LRRIQ3: variants seen among roughly 807,000 people sequenced by gnomAD.
LRRIQ3 encodes the protein leucine rich repeats and IQ motif containing 3, also known as leucine-rich repeat and IQ domain-containing protein 3.
Under a neutral mutation model 59.3 loss-of-function variants are expected in LRRIQ3, and 75 were observed. The observed-to-expected ratio is 1.26, with a 90% CI of 1.05 to 1.53. LRRIQ3 has a LOEUF of 1.53. Ranked by LOEUF, LRRIQ3 falls within the 40% of genes most tolerant of loss-of-function variation. The pLI, the probability that LRRIQ3 is intolerant of heterozygous loss-of-function variation, is 0.00. For missense variants in LRRIQ3, 831 were observed against 710.0 expected, an observed-to-expected ratio of 1.17 and a Z score of -1.94; for synonymous variants, 250 against 231.3, an observed-to-expected ratio of 1.08 and a Z score of -0.73.
At chr1:74,115,178 A>ATCAT (rs1646761926) in intron 4 of LRRIQ3, among the ~76,000 whole-genome samples, 1 of 152,086 alleles carries the variant, frequency 6.6e-6, no homozygotes, top group Non-Finnish European at 1.5e-5. Flanking sequence ...GAATTGCTCA[A>ATCAT]TCATTCATTC....
At position 74,182,798 on chromosome 1, in the gene LRRIQ3, G is replaced by C. The variant is rs763219497; in HGVS notation, c.313C>G (p.His105Asp). 1.9e-6 allele frequency: 3 copies of C among 1,608,942 alleles called. No homozygotes were observed. In the Admixed American group the frequency reaches 5.0e-5, roughly 27 times the overall value. Residue 105 changes from histidine to aspartate, a missense_variant, in exon 3 of 8, where the codon CAT (histidine) becomes GAT (aspartate). By Grantham distance (81) the His-to-Asp change is moderately conservative. Transcript: ENST00000354431. The part of the protein sequence containing the change: ...GLKNLKLLYL[H>D]DNGFAKLKNI... ...TTTAACTTTGCAAACCCATTGTCAT[G>C]AAGATAGAGTAGTTTTAGGTTCTTC...
intron 6 of LRRIQ3, among the ~76,000 whole-genome samples, chr1:74,053,413 C>A (rs1243247749): frequency 6.6e-6 from 1 of 151,910 alleles, no homozygotes; most frequent in Non-Finnish European, 1.5e-5. Flanking sequence ...TTCTGCCCTG[C>A]AAAAGAGACT....
chr1:74,071,840 T>C (rs1435813758), intron 6 of LRRIQ3, among the ~76,000 whole-genome samples: 2 of 152,132 alleles, frequency 1.3e-5, no homozygotes, highest in African/African-American at 4.8e-5. Flanking sequence ...GTAGTTATAG[T>C]ACAAATAGCA....
intron 4 of LRRIQ3, among the ~76,000 whole-genome samples, chr1:74,112,240 G>A (rs1048226199): frequency 5.3e-5 from 8 of 152,118 alleles, no homozygotes; most frequent in Non-Finnish European, 7.4e-5. Context: ...TATGAACATA[G>A]AACCTGAAGT....
intron 5 of LRRIQ3, among the ~76,000 whole-genome samples, chr1:74,080,805 G>A (rs964628772): frequency 1.3e-5 from 2 of 151,572 alleles, no homozygotes; most frequent in Non-Finnish European, 3.0e-5. Flanking sequence ...AACATAGTAT[G>A]CAAAGCCTTC....
rs1649354188 is a variant in LRRIQ3, at chr1:74,172,029, T to C, written c.573+10509A>G. ...TTTTCTGTGTTATTATTGCTGAGTT[T>C]GTCTATCTTGTTTGTCTTTTTAAAA... On this transcript the variant is annotated intron_variant, in intron 3 of 7. Transcript: ENST00000354431. 2.0e-5 allele frequency among the ~76,000 whole-genome samples: 3 copies of C among 152,128 alleles called. No homozygotes were observed. In the South Asian group the frequency reaches 6.2e-4, roughly 31 times the overall value.
chr1:74,156,937 T>G (rs972544404), intron 3 of LRRIQ3, among the ~76,000 whole-genome samples: 1 of 152,122 alleles, frequency 6.6e-6, no homozygotes, highest in African/African-American at 2.4e-5. Context: ...GAAGCACCTC[T>G]TCTGAAAATT....
chr1:74,190,220 T>C (rs1367214325), intron 1 of LRRIQ3, among the ~76,000 whole-genome samples: 1 of 151,996 alleles, frequency 6.6e-6, no homozygotes, highest in Non-Finnish European at 1.5e-5. Context: ...AGACTGGGAA[T>C]TGAAAACAAC....
intron 5 of LRRIQ3, among the ~76,000 whole-genome samples, chr1:74,079,757 G>A (rs1010004405): frequency 6.6e-6 from 1 of 151,796 alleles, no homozygotes; most frequent in Non-Finnish European, 1.5e-5. Flanking sequence ...GGAATGAGTG[G>A]AGATTTAGAA....
At chr1:74,132,420 C>T (rs1010644327) in intron 4 of LRRIQ3, among the ~76,000 whole-genome samples, 3 of 152,066 alleles carry the variant, frequency 2.0e-5, no homozygotes, top group Non-Finnish European at 4.4e-5. Flanking sequence ...AATGCTAAGC[C>T]AAAAGAACAA....
chr1:74,049,916 C>T (rs1262338841), intron 6 of LRRIQ3, among the ~76,000 whole-genome samples: 2 of 142,802 alleles, frequency 1.4e-5, no homozygotes, highest in African/African-American at 2.6e-5. Context: ...ACCTTTGTGT[C>T]TTTTTTTTCT....
intron 4 of LRRIQ3, among the ~76,000 whole-genome samples, chr1:74,109,764 T>C (rs1420263749): frequency 1.3e-5 from 2 of 151,742 alleles, no homozygotes; most frequent in African/African-American, 4.8e-5. Context: ...GCTGAGAAAT[T>C]TCAGCTGATA....
intron 4 of LRRIQ3, among the ~76,000 whole-genome samples, chr1:74,152,641 G>T (rs1159176439): frequency 6.6e-6 from 1 of 152,146 alleles, no homozygotes; most frequent in Non-Finnish European, 1.5e-5. Context: ...ATGATGGAAA[G>T]AATAATCCAT....
intron 5 of LRRIQ3, among the ~76,000 whole-genome samples, chr1:74,096,519 G>A (rs1402720082): frequency 1.3e-5 from 2 of 152,124 alleles, no homozygotes; most frequent in Non-Finnish European, 2.9e-5. Flanking sequence ...GCTTGGAGAA[G>A]TATAATCGTC....
At chr1:74,062,930 T>C (rs1208948988) in intron 6 of LRRIQ3, among the ~76,000 whole-genome samples, 2 of 152,102 alleles carry the variant, frequency 1.3e-5, no homozygotes, top group African/African-American at 4.8e-5. Context: ...CAAACCCATA[T>C]AACATACAAT....
At chr1:74,064,635 G>C (rs543825206) in intron 6 of LRRIQ3, among the ~76,000 whole-genome samples, 2 of 151,860 alleles carry the variant, frequency 1.3e-5, no homozygotes, top group Non-Finnish European at 2.9e-5. Context: ...ATCTGGGAAT[G>C]GTTTCATTTC....
At chr1:74,107,710 C>T (rs1646634634) in intron 5 of LRRIQ3, among the ~76,000 whole-genome samples, 1 of 150,648 alleles carries the variant, frequency 6.6e-6, no homozygotes. Context: ...TATAAAGAAA[C>T]TATTCATCAA....
intron 5 of LRRIQ3, chr1:74,081,983 C>G (rs1338906221): frequency 6.6e-6 from 1 of 151,290 alleles, no homozygotes; most frequent in East Asian, 1.9e-4. Flanking sequence ...ATTTCCGCAC[C>G]AGTTTGATTG....
At chr1:74,041,979 T>C (rs769924067) in intron 6 of LRRIQ3, 46 bp from the exon 7 acceptor site, 1 of 1,431,078 alleles carries the variant, frequency 7.0e-7, no homozygotes, top group Non-Finnish European at 9.1e-7. Context: ...AAGAGCTAAG[T>C]ACATTTTATT....
Sources: allele counts gnomAD v4.1 joint callset (sites outside exome capture counted in the v4.1 genomes callset), GRCh38; gene constraint gnomAD v4.1.1; transcripts MANE v1.5; gene names NCBI Gene and HGNC (gene_info 2026-07-23, HGNC 2026-07-21).